Variants in TLK2 observed in about 807,000 individuals in gnomAD.
The protein encoded by TLK2 is serine/threonine-protein kinase tousled-like 2.
A neutral mutation model predicts 117.3 loss-of-function variants in TLK2; 6 were observed. That is an observed-to-expected ratio of 0.05 (90% CI 0.03 to 0.10). The LOEUF (loss-of-function observed/expected upper bound fraction) is 0.10. Ranked by LOEUF, TLK2 falls within the 10% of genes least tolerant of loss-of-function variation. The pLI, the probability that TLK2 is intolerant of heterozygous loss-of-function variation, is 1.00. For synonymous variants in TLK2, 257 were observed against 316.7 expected (o/e 0.81, Z 2.00); for missense variants, 299 against 901.2 (o/e 0.33, Z 8.56).
At chr17:62,512,501 C>G (rs930483477) in intron 2 of TLK2, among the ~76,000 whole-genome samples, 1 of 151,886 alleles carries the variant, frequency 6.6e-6, no homozygotes, top group African/African-American at 2.4e-5. Context: ...GGTGAGCCAC[C>G]GCCCCCGGCC....
At chr17:62,492,548 C>T (rs1050151612) in intron 2 of TLK2, among the ~76,000 whole-genome samples, 2 of 151,924 alleles carry the variant, frequency 1.3e-5, no homozygotes, top group African/African-American at 4.8e-5. Flanking sequence ...ATCTCCGCCT[C>T]CCAGGTTCAA....
chr17:62,528,573 C>T (rs1341669475), intron 6 of TLK2, among the ~76,000 whole-genome samples: 7 of 152,018 alleles, frequency 4.6e-5, no homozygotes, highest in East Asian at 1.9e-4. Flanking sequence ...TGCACCACCA[C>T]GCCTGGCTAA....
chr17:62,500,526 C>T (rs988863549), intron 2 of TLK2, among the ~76,000 whole-genome samples: 9 of 152,188 alleles, frequency 5.9e-5, no homozygotes, highest in African/African-American at 1.9e-4. Context: ...TCCACAATTA[C>T]ATTTGGAAAT....
chr17:62,600,888 ATAAAGT>A lies in TLK2; in HGVS notation c.1720+71_1720+76del, dbSNP rs1004925234. The A allele has an allele frequency of 2.8e-6, 4 of 1,419,238 alleles. No individual in the cohort carries two copies. In the Admixed American group the frequency reaches 7.2e-5, roughly 26 times the overall value. 87.9% of individuals were successfully genotyped at this position (1,419,238 alleles called of 1,614,324 possible). A position where few individuals can be genotyped will look rare whatever the true frequency, so the allele number is the denominator to read the frequency against. On this transcript the variant is annotated intron_variant, in intron 18 of 21. Coordinates refer to ENST00000346027, the MANE Select transcript of TLK2 (RefSeq NM_006852.6). ...GGTCTTATAAGTGACTTTTAATTTG[ATAAAGT>A]TAGAGAATTTCACAGCAGCCAAGAA...
At chr17:62,497,607 G>T (rs1347430914) in intron 2 of TLK2, among the ~76,000 whole-genome samples, 1 of 152,130 alleles carries the variant, frequency 6.6e-6, no homozygotes, top group Non-Finnish European at 1.5e-5. Context: ...ATAGTTTGTG[G>T]TAAGTTTTAC....
chr17:62,522,084 A>G lies in TLK2; in HGVS notation c.154-120A>G, dbSNP rs544290577. 1,024 of 1,019,510 alleles carry G rather than the reference A, an allele frequency of 1.0e-3. 8 individuals are homozygous for G. Among genetic ancestry groups the G allele is most frequent in the Middle Eastern group, 4.7e-4 (2 of 4,274 alleles). 63.2% of individuals were successfully genotyped at this position (1,019,510 alleles called of 1,614,324 possible). On this transcript the variant is annotated intron_variant, in intron 3 of 21. Coordinates refer to ENST00000346027, the MANE Select transcript of TLK2 (RefSeq NM_006852.6). ...AGTTTTAAGAGGAAGACAGTGATTC[A>G]GGACTTGTCTGGGCCAGTTATATCT...
chr17:62,595,574 T>C (rs75164921), intron 16 of TLK2, among the ~76,000 whole-genome samples: 3 of 151,708 alleles, frequency 2.0e-5, no homozygotes, highest in African/African-American at 7.3e-5. Context: ...TTTTTTTTTT[T>C]TCTTCCTCAG....
upstream of TLK2, among the ~76,000 whole-genome samples, chr17:62,476,323 C>T (rs2071043165): frequency 6.6e-6 from 1 of 151,910 alleles, no homozygotes; most frequent in Non-Finnish European, 1.5e-5. Flanking sequence ...GTGGCTCATG[C>T]CTGTAATCAC....
At chr17:62,476,352 G>A (rs1484499122), upstream of TLK2, among the ~76,000 whole-genome samples, 2 of 152,024 alleles carry the variant, frequency 1.3e-5, no homozygotes, top group African/African-American at 4.8e-5. Flanking sequence ...GGGAGGCCGA[G>A]GTGGGCGGAT....
intron 7 of TLK2, among the ~76,000 whole-genome samples, chr17:62,540,117 T>A (rs1207879140): frequency 4.1e-5 from 6 of 147,096 alleles, no homozygotes; most frequent in Non-Finnish European, 7.5e-5. Context: ...TTTTTTTTTT[T>A]AATAGAGACA....
chr17:62,573,454 T>A, intron 12 of TLK2, 87 bp downstream of exon 12: 1 of 1,539,252 alleles, frequency 6.5e-7, no homozygotes, highest in Non-Finnish European at 8.8e-7. Context: ...AGTTTTAAAT[T>A]CTTGAGGTCA....
chr17:62,514,961 C>G (rs2075455982), intron 2 of TLK2, among the ~76,000 whole-genome samples: 1 of 152,190 alleles, frequency 6.6e-6, no homozygotes, highest in African/African-American at 2.4e-5. Context: ...TGTTTGCATC[C>G]AATTTCCAGA....
At chr17:62,529,935 C>T (rs2076627151) in intron 6 of TLK2, among the ~76,000 whole-genome samples, 1 of 152,026 alleles carries the variant, frequency 6.6e-6, no homozygotes, top group Admixed American at 6.6e-5. Context: ...TGGTTCACGC[C>T]TGTAATCCTA....
intron 6 of TLK2, among the ~76,000 whole-genome samples, chr17:62,524,951 T>A (rs1472812900): frequency 6.6e-6 from 1 of 152,206 alleles, no homozygotes; most frequent in Non-Finnish European, 1.5e-5. Flanking sequence ...CTGGTAAACA[T>A]TCTGTAATGT....
At chr17:62,518,924 C>T (rs1001905721) in intron 2 of TLK2, among the ~76,000 whole-genome samples, 2 of 152,300 alleles carry the variant, frequency 1.3e-5, no homozygotes, top group East Asian at 3.9e-4. Flanking sequence ...GTCACCCAGG[C>T]TGGAGTGCAA....
intron 9 of TLK2, among the ~76,000 whole-genome samples, chr17:62,559,082 TTC>T (rs2079061994): frequency 1.3e-5 from 2 of 152,196 alleles, no homozygotes; most frequent in Admixed American, 1.3e-4. Context: ...GGTTCTTTCC[TTC>T]TCTGTTATTG....
intron 2 of TLK2, among the ~76,000 whole-genome samples, chr17:62,509,750 C>T (rs1166412072): frequency 1.3e-5 from 2 of 152,160 alleles, no homozygotes; most frequent in South Asian, 2.1e-4. Flanking sequence ...GGCTTGATGG[C>T]GTAACCTTGT....
intron 16 of TLK2, 67 bp downstream of exon 16, chr17:62,586,293 C>T (rs953194794): frequency 9.6e-6 from 11 of 1,146,378 alleles, no homozygotes; most frequent in Non-Finnish European, 1.2e-5. Context: ...CATTATGCTA[C>T]AAGCTTTACG....
chr17:62,587,102 G>A (rs901562218), intron 16 of TLK2, among the ~76,000 whole-genome samples: 1 of 152,076 alleles, frequency 6.6e-6, no homozygotes, highest in African/African-American at 2.4e-5. Flanking sequence ...TACTTGGGAT[G>A]TGGGGTAGAG....
Sources: gnomAD v4.1 joint callset for allele counts (sites outside exome capture counted in the v4.1 genomes callset) on GRCh38, gnomAD v4.1.1 for gene constraint, MANE v1.5 for transcripts, NCBI Gene and HGNC (gene_info 2026-07-23, HGNC 2026-07-21) for gene names.